Variants in LRFN2 observed in about 807,000 individuals in gnomAD.
The protein encoded by LRFN2 is leucine rich repeat and fibronectin type III domain containing 2.
Under a neutral mutation model 37.3 loss-of-function variants are expected in LRFN2, and 18 were observed. That is an observed-to-expected ratio of 0.48 (90% CI 0.33 to 0.72). The LOEUF (loss-of-function observed/expected upper bound fraction) is 0.72. Among genes scored for constraint, LRFN2 ranks in the 30% least tolerant of loss-of-function variants. The pLI is 0.02. For missense variants in LRFN2, 1,006 were observed against 1,060.7 expected, an observed-to-expected ratio of 0.95 and a Z score of 0.72; for synonymous variants, 556 against 466.6, an observed-to-expected ratio of 1.19 and a Z score of -2.47.
At chr6:40,518,718 C>T (rs1765960281) in intron 1 of LRFN2, among the ~76,000 whole-genome samples, 1 of 152,156 alleles carries the variant, frequency 6.6e-6, no homozygotes. Flanking sequence ...GTCATTCAAC[C>T]AATACACATA....
chr6:40,574,853 A>G (rs1351775856), intron 1 of LRFN2, among the ~76,000 whole-genome samples: 1 of 152,110 alleles, frequency 6.6e-6, no homozygotes, highest in East Asian at 1.9e-4. Flanking sequence ...GGGACTCACA[A>G]CATCCTCAGG....
In LRFN2 at chr6:40,391,763, C is replaced by G; in HGVS notation, c.*180G>C. 1.8e-6 allele frequency: 1 copy of G among 549,260 alleles called. No individual in the cohort carries two copies. Among genetic ancestry groups the G allele is most frequent in the Non-Finnish European group, 3.0e-6 (1 of 335,046 alleles). The allele number at this position is 549,260 out of a possible 1,614,324, so 34.0% of individuals were successfully genotyped here. A position where few individuals can be genotyped will look rare whatever the true frequency, so the allele number is the denominator to read the frequency against. On this transcript the variant is annotated 3_prime_UTR_variant, in exon 3 of 3. Transcript: ENST00000338305. ...CCACATTCCCTGAGCACACCCCGGC[C>G]GGGTGGTGGGGAGGTGATGTGGGTG...
chr6:40,506,988 A>T (rs1561885209), intron 1 of LRFN2, among the ~76,000 whole-genome samples: 1 of 152,264 alleles, frequency 6.6e-6, no homozygotes, highest in African/African-American at 2.4e-5. Context: ...TTTTCAAATT[A>T]TAAAGTACTA....
intron 1 of LRFN2, among the ~76,000 whole-genome samples, chr6:40,505,202 C>T (rs1012516728): frequency 6.6e-6 from 1 of 152,074 alleles, no homozygotes; most frequent in African/African-American, 2.4e-5. Context: ...TCTGTGGGGG[C>T]GGGGGACAAG....
At chr6:40,519,078 G>A (rs1464460311) in intron 1 of LRFN2, among the ~76,000 whole-genome samples, 2 of 152,166 alleles carry the variant, frequency 1.3e-5, no homozygotes, top group Non-Finnish European at 2.9e-5. Flanking sequence ...GCAGGGGTCA[G>A]GGAAAGAGTT....
chr6:40,440,479 T>C (rs1763807757), intron 1 of LRFN2, among the ~76,000 whole-genome samples: 1 of 151,608 alleles, frequency 6.6e-6, no homozygotes, highest in Admixed American at 6.6e-5. Context: ...GAGGAGAGAA[T>C]GAACGAATGA....
intron 1 of LRFN2, among the ~76,000 whole-genome samples, chr6:40,473,191 G>A (rs1764641129): frequency 6.6e-6 from 1 of 152,274 alleles, no homozygotes. Flanking sequence ...AGGAGGGGTG[G>A]TTATAAACTG....
At chr6:40,515,416 C>G (rs1048516829) in intron 1 of LRFN2, among the ~76,000 whole-genome samples, 1 of 152,216 alleles carries the variant, frequency 6.6e-6, no homozygotes, top group African/African-American at 2.4e-5. Flanking sequence ...TTGAGGGTCA[C>G]TCTGTTGGGG....
intron 1 of LRFN2, among the ~76,000 whole-genome samples, chr6:40,439,597 G>T (rs1420889373): frequency 6.6e-6 from 1 of 152,178 alleles, no homozygotes; most frequent in Admixed American, 6.5e-5. Flanking sequence ...CCCTATCCCA[G>T]CCTTGCTGTC....
At chr6:40,428,899 C>A (rs1012969402) in intron 2 of LRFN2, among the ~76,000 whole-genome samples, 1 of 152,142 alleles carries the variant, frequency 6.6e-6, no homozygotes, top group Non-Finnish European at 1.5e-5. Context: ...CTTCCTCTTC[C>A]ATTTTATTCC....
intron 1 of LRFN2, among the ~76,000 whole-genome samples, chr6:40,583,663 A>T (rs565642411): frequency 6.6e-6 from 1 of 152,320 alleles, no homozygotes; most frequent in African/African-American, 2.4e-5. Flanking sequence ...GGGGATGACC[A>T]TTAGCATCCT....
intron 1 of LRFN2, among the ~76,000 whole-genome samples, chr6:40,464,077 T>C (rs1227413700): frequency 6.6e-6 from 1 of 152,232 alleles, no homozygotes; most frequent in Non-Finnish European, 1.5e-5. Flanking sequence ...CATTCTAGAC[T>C]GTGTTCCACC....
In LRFN2 at chr6:40,453,994, G is replaced by A. The variant is rs529555015; in HGVS notation, c.-18-20863C>T. ...TTTTTGTGCTGGACTGTCTCTCTAC[G>A]CCATCTCATCTTGCTAGGAATGACT... is the stretch of plus-strand genomic sequence containing the variant. On this transcript the variant is annotated intron_variant, in intron 1 of 2. Coordinates refer to ENST00000338305, the MANE Select transcript of LRFN2 (RefSeq NM_020737.3). 1.8e-3 allele frequency among the ~76,000 whole-genome samples: 271 copies of A among 152,182 alleles called. 8 individuals carry two copies. In the South Asian group the frequency reaches 0.05, roughly 28 times the overall value.
In LRFN2 at chr6:40,425,150, G is replaced by T. The variant is rs543328230; in HGVS notation, c.1400+6564C>A. On this transcript the variant is annotated intron_variant, in intron 2 of 2. Transcript: ENST00000338305. ...GACAGGACATGTGTCTAACAATCAT[G>T]GAAGAACATGGCATGGGAAAGGGAG... Among the ~76,000 whole-genome samples the T allele has an allele frequency of 1.2e-4, 19 of 152,336 alleles. No individual in the cohort carries two copies. The East Asian group carries it at 3.5e-3, about 28-fold the overall frequency.
Position 40,391,754 on chromosome 6 carries a change from C to T in LRFN2, c.*189G>A. On this transcript the variant is annotated 3_prime_UTR_variant, in exon 3 of 3. Coordinates refer to ENST00000338305, the MANE Select transcript of LRFN2 (RefSeq NM_020737.3). ...TGAGCGAGTCCACATTCCCTGAGCA[C>T]ACCCCGGCCGGGTGGTGGGGAGGTG... The T allele has an allele frequency of 1.9e-6, 1 of 527,994 alleles. No homozygotes were observed. 32.7% of individuals were successfully genotyped at this position (527,994 alleles called of 1,614,324 possible). A position where few individuals can be genotyped will look rare whatever the true frequency, so the allele number is the denominator to read the frequency against.
chr6:40,500,539 A>G (rs1765352726), intron 1 of LRFN2, among the ~76,000 whole-genome samples: 1 of 152,224 alleles, frequency 6.6e-6, no homozygotes, highest in South Asian at 2.1e-4. Flanking sequence ...GAGTGAAAGA[A>G]GCAGTGTACA....
At chr6:40,542,473 A>T (rs1017699233) in intron 1 of LRFN2, among the ~76,000 whole-genome samples, 1 of 151,976 alleles carries the variant, frequency 6.6e-6, no homozygotes, top group Non-Finnish European at 1.5e-5. Context: ...TTTGGAAAAC[A>T]TCTGCAGAGC....
intron 1 of LRFN2, among the ~76,000 whole-genome samples, chr6:40,445,871 A>G (rs1763957361): frequency 6.6e-6 from 1 of 152,172 alleles, no homozygotes; most frequent in Non-Finnish European, 1.5e-5. Flanking sequence ...AAATCGAATA[A>G]TCTTATAAAG....
chr6:40,563,306 G>A (rs1217563635), intron 1 of LRFN2, among the ~76,000 whole-genome samples: 1 of 152,148 alleles, frequency 6.6e-6, no homozygotes, highest in East Asian at 1.9e-4. Context: ...AAGCACAGCA[G>A]CAGGGACAGC....
Sources: gnomAD v4.1 joint callset for allele counts (sites outside exome capture counted in the v4.1 genomes callset) on GRCh38, gnomAD v4.1.1 for gene constraint, MANE v1.5 for transcripts, NCBI Gene and HGNC (gene_info 2026-07-23, HGNC 2026-07-21) for gene names.